NRP1: variants seen among roughly 807,000 people sequenced by gnomAD.
NRP1 encodes the protein neuropilin 1.
A neutral mutation model predicts 106.7 loss-of-function variants in NRP1; 35 were observed. That is an observed-to-expected ratio of 0.33 (90% CI 0.25 to 0.43). NRP1 has a LOEUF of 0.43. Among genes scored for constraint, NRP1 ranks in the 20% least tolerant of loss-of-function variants. The pLI, the probability that NRP1 is intolerant of heterozygous loss-of-function variation, is 1.00. For missense variants in NRP1, 1,024 were observed against 1,170.4 expected, an observed-to-expected ratio of 0.87 and a Z score of 1.83; for synonymous variants, 437 against 417.9, an observed-to-expected ratio of 1.05 and a Z score of -0.56.
At chr10:33,250,798 G>C (rs540428827) in intron 6 of NRP1, among the ~76,000 whole-genome samples, 1 of 152,132 alleles carries the variant, frequency 6.6e-6, no homozygotes, top group Non-Finnish European at 1.5e-5. Context: ...AGGACAGATC[G>C]GGCCACATTC....
At chr10:33,228,201 A>C (rs1839823832) in intron 6 of NRP1, among the ~76,000 whole-genome samples, 1 of 152,108 alleles carries the variant, frequency 6.6e-6, no homozygotes, top group African/African-American at 2.4e-5. Context: ...AAATAGTTAC[A>C]CATTACAACT....
chr10:33,311,137 G>C (rs745719040), intron 2 of NRP1, among the ~76,000 whole-genome samples: 1 of 152,152 alleles, frequency 6.6e-6, no homozygotes, highest in Admixed American at 6.5e-5. Context: ...TGGAGAATAC[G>C]CATATGCTAG....
chr10:33,214,813 A>G (rs1488997044), intron 8 of NRP1, among the ~76,000 whole-genome samples: 1 of 152,186 alleles, frequency 6.6e-6, no homozygotes, highest in African/African-American at 2.4e-5. Flanking sequence ...CTTGGGGGAA[A>G]TGGAGATTGG....
At chr10:33,319,179 G>C (rs1166893642) in intron 2 of NRP1, among the ~76,000 whole-genome samples, 1 of 151,342 alleles carries the variant, frequency 6.6e-6, no homozygotes, top group Non-Finnish European at 1.5e-5. Context: ...TAATTTTTTT[G>C]TATTTTTAGT....
intron 6 of NRP1, among the ~76,000 whole-genome samples, chr10:33,234,800 T>G (rs1840432529): frequency 6.6e-6 from 1 of 152,148 alleles, no homozygotes; most frequent in South Asian, 2.1e-4. Flanking sequence ...AAATAAAACC[T>G]TTGCTCATAG....
At chr10:33,284,711 A>C (rs1003799698) in intron 2 of NRP1, among the ~76,000 whole-genome samples, 1 of 152,180 alleles carries the variant, frequency 6.6e-6, no homozygotes, top group Non-Finnish European at 1.5e-5. Context: ...AATTAGGGAA[A>C]TGCTGCAAAT....
rs35513274 is a variant in NRP1 at position 33,310,248 on chromosome 10, C to CTTTT, written c.248+20456_248+20459dup. ...ACAGGCGTGAGCCACTGCGCCCGGC[C>CTTTT]TTTTTTTTTTTTTTTTTTTCGAGAC... On this transcript the variant is annotated intron_variant, in intron 2 of 16. Transcript: ENST00000374867. Among the ~76,000 whole-genome samples the CTTTT allele has an allele frequency of 2.7e-4, 22 of 80,148 alleles. 2 individuals carry two copies. The highest frequency in any genetic ancestry group is 7.4e-4 in the Admixed American group (4 of 5,390). 52.6% of individuals were successfully genotyped at this position (80,148 alleles called of 152,430 possible).
intron 2 of NRP1, among the ~76,000 whole-genome samples, chr10:33,286,267 G>C (rs1416804965): frequency 6.6e-6 from 1 of 152,182 alleles, no homozygotes; most frequent in Non-Finnish European, 1.5e-5. Flanking sequence ...AGCAAGACAG[G>C]GATGGCAAGT....
chr10:33,196,196 T>C (rs530023099), intron 12 of NRP1, among the ~76,000 whole-genome samples: 1 of 152,204 alleles, frequency 6.6e-6, no homozygotes, highest in East Asian at 1.9e-4. Flanking sequence ...CTACCCCCTT[T>C]CATAGTCAAG....
chr10:33,230,597 ATGTGTGTGTG>A (rs10558085), intron 6 of NRP1, among the ~76,000 whole-genome samples: 3,643 of 144,668 alleles, frequency 0.025, 43 homozygotes, highest in Non-Finnish European at 0.03. Context: ...TTTCTCATAT[ATGTGTGTGTG>A]TGTGTGTGTG....
intron 10 of NRP1, chr10:33,206,262 G>T (rs778822576): frequency 9.6e-6 from 5 of 518,924 alleles, no homozygotes; most frequent in Non-Finnish European, 1.9e-5. Flanking sequence ...GAACGCATCT[G>T]CAGTGAGTGG....
At chr10:33,192,495 T>C in intron 12 of NRP1, 77 bp from the exon 13 acceptor site, 2 of 1,497,832 alleles carry the variant, frequency 1.3e-6, no homozygotes, top group South Asian at 1.2e-5. Flanking sequence ...CAAAGGCCCT[T>C]GGTTCACTCA....
intron 2 of NRP1, among the ~76,000 whole-genome samples, chr10:33,323,289 T>A (rs1329571662): frequency 2.0e-5 from 3 of 152,020 alleles, no homozygotes; most frequent in Non-Finnish European, 4.4e-5. Context: ...TCTATGATTA[T>A]TTAAGTTAAA....
Position 33,334,242 on chromosome 10 carries a change from C to T in NRP1, c.73+68G>A, listed in dbSNP as rs1054355860. 2.1e-5 allele frequency: 30 copies of T among 1,440,542 alleles called. No individual in the cohort carries two copies. In the African/African-American group the frequency reaches 2.4e-4, roughly 12 times the overall value. The allele number at this position is 1,440,542 out of a possible 1,614,324, so 89.2% of individuals were successfully genotyped here. On this transcript the variant is annotated intron_variant, in intron 1 of 16. Coordinates refer to ENST00000374867, the MANE Select transcript of NRP1 (RefSeq NM_003873.7). Reference sequence around the variant, plus strand: ...CTGATCCCGGGAAGCCCCGCCTGAGCCCCGGTCCGGGGCGGGCAGCTGGGA... The same window carrying T: ...CTGATCCCGGGAAGCCCCGCCTGAGTCCCGGTCCGGGGCGGGCAGCTGGGA...
chr10:33,278,816 T>C (rs908781992), intron 2 of NRP1, among the ~76,000 whole-genome samples: 2 of 152,212 alleles, frequency 1.3e-5, no homozygotes, highest in Non-Finnish European at 2.9e-5. Flanking sequence ...ACCTTTAAGC[T>C]TTTGTAATGT....
intron 6 of NRP1, among the ~76,000 whole-genome samples, chr10:33,250,170 G>C (rs1352460486): frequency 6.6e-6 from 1 of 152,168 alleles, no homozygotes; most frequent in Non-Finnish European, 1.5e-5. Flanking sequence ...GTGATTAGAG[G>C]TACGTGCCTC....
At chr10:33,282,307 G>A (rs1023326201) in intron 2 of NRP1, among the ~76,000 whole-genome samples, 5 of 152,058 alleles carry the variant, frequency 3.3e-5, no homozygotes, top group East Asian at 3.9e-4. Context: ...AAGGCAGTGC[G>A]TCCGGCTTAC....
intron 10 of NRP1, among the ~76,000 whole-genome samples, chr10:33,207,061 G>A (rs368751522): frequency 3.3e-5 from 5 of 152,100 alleles, no homozygotes; most frequent in African/African-American, 9.7e-5. Context: ...GCTGATAATC[G>A]ACACTGCGGA....
At chr10:33,203,067 G>C in intron 10 of NRP1, 72 bp from the exon 11 acceptor site, 1 of 1,482,124 alleles carries the variant, frequency 6.7e-7, no homozygotes, top group Non-Finnish European at 9.1e-7. Flanking sequence ...TGTTGGATCT[G>C]CTAACGCTTA....
Sources: gnomAD v4.1 joint callset for allele counts (sites outside exome capture counted in the v4.1 genomes callset) on GRCh38, gnomAD v4.1.1 for gene constraint, MANE v1.5 for transcripts, NCBI Gene and HGNC (gene_info 2026-07-23, HGNC 2026-07-21) for gene names.